Variants in HLCS observed in about 807,000 individuals in gnomAD.
The protein encoded by HLCS is holocarboxylase synthetase, also known as biotin--protein ligase.
In HLCS, 53 loss-of-function variants were observed where a neutral mutation model predicts 75.0. The observed-to-expected ratio is 0.71, with a 90% CI of 0.57 to 0.89. The LOEUF (loss-of-function observed/expected upper bound fraction) is 0.89. Ranked by LOEUF, HLCS falls within the 40% of genes least tolerant of loss-of-function variation. HLCS has a pLI of 0.00. For missense variants in HLCS, 966 were observed against 1,074.0 expected (o/e 0.90, Z 1.41); for synonymous variants, 431 against 428.6 (o/e 1.01, Z -0.07).
At chr21:36,786,352 A>C (rs1374339327) in intron 6 of HLCS, among the ~76,000 whole-genome samples, 1 of 152,046 alleles carries the variant, frequency 6.6e-6, no homozygotes, top group East Asian at 1.9e-4. Flanking sequence ...ACGCTCAAAT[A>C]AGGAAGGGCT....
chr21:36,947,346 C>T (rs2067452809), intron 2 of HLCS: 3 of 985,398 alleles, frequency 3.0e-6, no homozygotes, highest in South Asian at 4.7e-5. Context: ...AGTGCATTTC[C>T]GTTTTCTAGG....
chr21:36,756,914 T>C, intron 9 of HLCS, 159 bp from the exon 10 acceptor site: 1 of 985,416 alleles, frequency 1.0e-6, no homozygotes, highest in Non-Finnish European at 1.2e-6. Context: ...TGACATGTAT[T>C]TCTGTCCATC....
Position 36,777,118 on chromosome 21 carries a change from G to T in HLCS, c.1893-9833C>A, listed in dbSNP as rs2060382906. ...TAACCACAGCTCACTGCTTCTGTTA[G>T]GGTTCGTGCTTTGTGCTGTACATTC... On this transcript the variant is annotated intron_variant, in intron 6 of 10. Transcript: ENST00000674895. Among the ~76,000 whole-genome samples the T allele has an allele frequency of 2.0e-5, 3 of 152,072 alleles. No individual in the cohort carries two copies. The South Asian group carries it at 6.2e-4, about 32-fold the overall frequency.
chr21:36,961,959 A>AAAAAAAG (rs2068317306), intron 2 of HLCS, 77 bp downstream of exon 2: 1 of 928,286 alleles, frequency 1.1e-6, no homozygotes, highest in South Asian at 1.7e-5. Flanking sequence ...GTCTCAGGAA[A>AAAAAAAG]AAAAAAAAAA....
intron 5 of HLCS, among the ~76,000 whole-genome samples, chr21:36,910,774 C>T (rs577383183): frequency 6.6e-6 from 1 of 152,318 alleles, no homozygotes; most frequent in Admixed American, 6.5e-5. Flanking sequence ...TCTAGCCACA[C>T]TGGTCCCCTG....
intron 6 of HLCS, among the ~76,000 whole-genome samples, chr21:36,808,720 T>A (rs1011284344): frequency 1.5e-4 from 23 of 152,246 alleles, no homozygotes; most frequent in Non-Finnish European, 3.2e-4. Context: ...TTTGTGTTGA[T>A]CCAAATATTT....
intron 2 of HLCS, among the ~76,000 whole-genome samples, chr21:36,944,565 CTTTA>C (rs150887828): frequency 0.019 from 2,826 of 152,086 alleles, 92 homozygotes; most frequent in African/African-American, 0.065. Flanking sequence ...AGGACAATTT[CTTTA>C]TTTTTTTTCC....
chr21:36,853,706 C>T (rs1052134903), intron 6 of HLCS, among the ~76,000 whole-genome samples: 1 of 152,162 alleles, frequency 6.6e-6, no homozygotes, highest in African/African-American at 2.4e-5. Context: ...GTAACAGATT[C>T]TTTCACAAAT....
At chr21:36,899,909 G>A (rs911496792) in intron 5 of HLCS, among the ~76,000 whole-genome samples, 2 of 152,138 alleles carry the variant, frequency 1.3e-5, no homozygotes, top group African/African-American at 4.8e-5. Flanking sequence ...TTTGAGACCA[G>A]CCTGGCCAAC....
At chr21:36,758,647 C>T (rs368487741) in intron 9 of HLCS, among the ~76,000 whole-genome samples, 4 of 152,228 alleles carry the variant, frequency 2.6e-5, no homozygotes, top group African/African-American at 7.2e-5. Context: ...GTGGCCCCTA[C>T]CTAGGAATCT....
At chr21:36,959,248 G>A (rs1014913013) in intron 2 of HLCS, among the ~76,000 whole-genome samples, 4 of 152,218 alleles carry the variant, frequency 2.6e-5, no homozygotes, top group Non-Finnish European at 5.9e-5. Flanking sequence ...CTGAGCCTGG[G>A]CGGTGTCGCA....
At chr21:36,849,039 A>C (rs1601501772) in intron 6 of HLCS, among the ~76,000 whole-genome samples, 1 of 152,236 alleles carries the variant, frequency 6.6e-6, no homozygotes, top group Non-Finnish European at 1.5e-5. Context: ...CCCTGTGAAG[A>C]CAATAACAAC....
rs141352712 is a variant in HLCS, at chr21:36,767,473, C to A, written c.1893-188G>T. On this transcript the variant is annotated intron_variant, in intron 6 of 10. Transcript: ENST00000674895. ...TATCACCCTCCTTTCTAACCTGGGT[C>A]GTGAGAATGAAAGAGATGAAGAAAG... is the stretch of plus-strand genomic sequence containing the variant. Among the ~76,000 whole-genome samples, 297 of 152,066 alleles carry A rather than the reference C, an allele frequency of 2.0e-3. 2 individuals carry two copies. The highest frequency in any genetic ancestry group is 0.014 in the East Asian group (71 of 5,172).
At chr21:36,766,833 A>C (rs2090053522) in intron 7 of HLCS, among the ~76,000 whole-genome samples, 1 of 152,182 alleles carries the variant, frequency 6.6e-6, no homozygotes, top group Non-Finnish European at 1.5e-5. Context: ...ACTGGCATGC[A>C]AAAGGCCTCC....
intron 5 of HLCS, among the ~76,000 whole-genome samples, chr21:36,898,003 C>G (rs1482557925): frequency 6.6e-6 from 1 of 152,202 alleles, no homozygotes; most frequent in Non-Finnish European, 1.5e-5. Context: ...ACACCAGGCC[C>G]TTTACGTCCC....
At chr21:36,921,884 G>A (rs1018529383) in intron 5 of HLCS, among the ~76,000 whole-genome samples, 1 of 152,154 alleles carries the variant, frequency 6.6e-6, no homozygotes, top group African/African-American at 2.4e-5. Flanking sequence ...GCTACTCTAA[G>A]TCTTCTCTCA....
At chr21:36,918,899 G>A (rs960055781) in intron 5 of HLCS, among the ~76,000 whole-genome samples, 2 of 152,196 alleles carry the variant, frequency 1.3e-5, no homozygotes, top group South Asian at 2.1e-4. Context: ...ATACACATGT[G>A]CTTATTATAC....
intron 6 of HLCS, among the ~76,000 whole-genome samples, chr21:36,817,602 T>C (rs1428812170): frequency 1.3e-5 from 2 of 152,202 alleles, no homozygotes; most frequent in Non-Finnish European, 2.9e-5. Flanking sequence ...TTTGACATCA[T>C]GCAATTCCTG....
chr21:36,780,372 C>A lies in HLCS; in HGVS notation c.1893-13087G>T, dbSNP rs562766854. ...TAGCTGGAACTACAGGTGCCCACCACCACGCCTGGCTTTTTTTTTGTATTT... is the reference window on the plus strand; with the variant it reads ...TAGCTGGAACTACAGGTGCCCACCAACACGCCTGGCTTTTTTTTTGTATTT... On this transcript the variant is annotated intron_variant, in intron 6 of 10. Transcript: ENST00000674895. Among the ~76,000 whole-genome samples, 36 of 152,278 alleles carry A rather than the reference C, an allele frequency of 2.4e-4. No individual in the cohort carries two copies. The South Asian group carries it at 7.5e-3, about 32-fold the overall frequency.
Sources: gnomAD v4.1 joint callset for allele counts (sites outside exome capture counted in the v4.1 genomes callset) on GRCh38, gnomAD v4.1.1 for gene constraint, MANE v1.5 for transcripts, NCBI Gene and HGNC (gene_info 2026-07-23, HGNC 2026-07-21) for gene names.